Variants in POLK observed in about 807,000 individuals in gnomAD.
The protein encoded by POLK is polymerase (DNA directed) kappa.
POLK carries 76 observed loss-of-function variants against 94.0 expected under a neutral mutation model. That is an observed-to-expected ratio of 0.81 (90% CI 0.67 to 0.98). The LOEUF (loss-of-function observed/expected upper bound fraction) is 0.98, where lower values mean the gene tolerates loss of function less well. Among genes scored for constraint, POLK ranks in the 50% least tolerant of loss-of-function variants. The pLI, the probability that POLK is intolerant of heterozygous loss-of-function variation, is 0.00. For missense variants in POLK, 954 were observed against 1,010.1 expected, an observed-to-expected ratio of 0.94 and a Z score of 0.75; for synonymous variants, 349 against 325.4, an observed-to-expected ratio of 1.07 and a Z score of -0.78.
chr5:75,596,400 T>A, exon 13 of POLK: 2 of 1,613,876 alleles, frequency 1.2e-6, no homozygotes, highest in East Asian at 4.5e-5. Context: ...GTTTCTTTGA[T>A]AAAAAACGAT....
At chr5:75,582,971 A>G in intron 7 of POLK, 1 of 172,034 alleles carries the variant, frequency 5.8e-6, no homozygotes, top group Non-Finnish European at 1.2e-5. Context: ...AAAAATCTGT[A>G]TTCCTACTAA....
At chr5:75,597,061 G>T (rs1215906583) in exon 13 of POLK, 1 of 1,613,350 alleles carries the variant, frequency 6.2e-7, no homozygotes, top group African/African-American at 1.3e-5. Context: ...AAAGACTTCA[G>T]ATCTAACCCT....
At chr5:75,513,461 C>T (rs1768168776) in intron 1 of POLK, among the ~76,000 whole-genome samples, 1 of 152,074 alleles carries the variant, frequency 6.6e-6, no homozygotes. Flanking sequence ...CACTTCACAG[C>T]TGCTTGAGAA....
chr5:75,511,882 C>T lies in POLK; in HGVS notation c.-46C>T, dbSNP rs1768033167. The T allele has an allele frequency of 2.0e-6, 3 of 1,492,076 alleles. No individual in the cohort carries two copies. The highest frequency in any genetic ancestry group is 2.7e-6 in the Non-Finnish European group (3 of 1,102,770). The allele number at this position is 1,492,076 out of a possible 1,614,324, so 92.4% of individuals were successfully genotyped here. ...GTTGGTCCGTCGCTCGCGCAGCCTC[C>T]TGGGAGTTGTAGTCGCGATCCTGAG... On this transcript the variant is annotated 5_prime_UTR_variant, in exon 1 of 15. Coordinates refer to ENST00000241436, the Ensembl canonical transcript of POLK.
rs1365740788 is a variant in POLK at position 75,596,725 on chromosome 5, TCTTCA to T, written c.2036_2040del (p.Ser679LeufsTer2). ...TAACAAGAAAGAAAATGTTCCTGCT[TCTTCA>T]CTTTGTGAGAAGCAAGATTATGAAG... On this transcript the variant is annotated frameshift_variant, in exon 13 of 15. Transcript: ENST00000241436. LOFTEE classifies it high-confidence loss of function. The T allele has an allele frequency of 1.2e-6, 2 of 1,613,636 alleles. No individual in the cohort carries two copies. The highest frequency in any genetic ancestry group is 1.3e-5 in the African/African-American group (1 of 74,918).
At chr5:75,566,642 G>A (rs1771291473) in intron 3 of POLK, among the ~76,000 whole-genome samples, 1 of 152,166 alleles carries the variant, frequency 6.6e-6, no homozygotes, top group South Asian at 2.1e-4. Flanking sequence ...GACCCCTTGT[G>A]CTTCCCAGGT....
intron 3 of POLK, among the ~76,000 whole-genome samples, chr5:75,563,465 T>C (rs1771098136): frequency 6.6e-6 from 1 of 152,212 alleles, no homozygotes; most frequent in Non-Finnish European, 1.5e-5. Flanking sequence ...CTCTTGCTTT[T>C]CTAATTATTT....
intron 1 of POLK, among the ~76,000 whole-genome samples, chr5:75,514,725 C>T (rs1768241141): frequency 6.6e-6 from 1 of 152,074 alleles, no homozygotes; most frequent in Admixed American, 6.6e-5. Context: ...GTCACTCAGG[C>T]ATAATGGCAC....
intron 1 of POLK, among the ~76,000 whole-genome samples, chr5:75,527,105 T>G (rs1025940017): frequency 3.9e-5 from 6 of 152,324 alleles, no homozygotes; most frequent in African/African-American, 1.4e-4. Context: ...ATTTGGCTTT[T>G]TATATATAAG....
chr5:75,511,031 A>G (rs1478632376), upstream of POLK: 1 of 1,437,836 alleles, frequency 7.0e-7, no homozygotes, highest in Non-Finnish European at 9.1e-7. Context: ...GCCTCCCGCC[A>G]GCCCCACCCC....
intron 4 of POLK, among the ~76,000 whole-genome samples, chr5:75,571,500 C>T (rs1771597625): frequency 6.6e-6 from 1 of 152,152 alleles, no homozygotes; most frequent in Non-Finnish European, 1.5e-5. Context: ...CCTTGCTCTA[C>T]CTGGAGTTGG....
At chr5:75,549,369 T>C (rs981272477) in intron 2 of POLK, among the ~76,000 whole-genome samples, 2 of 152,110 alleles carry the variant, frequency 1.3e-5, no homozygotes, top group Admixed American at 6.6e-5. Flanking sequence ...CATTTGCCTG[T>C]TTGTATGTAA....
intron 3 of POLK, among the ~76,000 whole-genome samples, chr5:75,566,829 T>G (rs1371413773): frequency 6.6e-6 from 1 of 152,232 alleles, no homozygotes; most frequent in Non-Finnish European, 1.5e-5. Flanking sequence ...GCCGTTATTC[T>G]TAACGAGTGT....
At chr5:75,520,627 G>T (rs970825384) in intron 1 of POLK, among the ~76,000 whole-genome samples, 2 of 152,244 alleles carry the variant, frequency 1.3e-5, no homozygotes, top group East Asian at 3.9e-4. Flanking sequence ...TTAAACTCCT[G>T]GCCTCAGGCA....
intron 8 of POLK, 111 bp from the exon 9 acceptor site, chr5:75,584,649 C>A: frequency 1.6e-6 from 1 of 634,948 alleles, no homozygotes; most frequent in Middle Eastern, 4.4e-4. Flanking sequence ...CCAGCTTGGG[C>A]AACAAGAGCG....
exon 15 of POLK, chr5:75,599,419 T>G (rs1773240183): frequency 6.6e-6 from 1 of 152,200 alleles, no homozygotes; most frequent in Non-Finnish European, 1.5e-5. Context: ...TAGGAATAGC[T>G]TAATTAAGAA....
At chr5:75,590,315 G>A in intron 10 of POLK, 29 bp from the exon 11 acceptor site, 1 of 1,280,820 alleles carries the variant, frequency 7.8e-7, no homozygotes, top group Non-Finnish European at 1.1e-6. Flanking sequence ...AGTTTACTTT[G>A]TGCGCCAAAA....
At chr5:75,515,264 A>C (rs1339105639) in intron 1 of POLK, among the ~76,000 whole-genome samples, 1 of 152,224 alleles carries the variant, frequency 6.6e-6, no homozygotes, top group East Asian at 1.9e-4. Context: ...CATTTTATGA[A>C]TAGTCCTGAG....
chr5:75,569,584 A>G, intron 4 of POLK, 92 bp downstream of exon 4: 1 of 1,093,656 alleles, frequency 9.1e-7, no homozygotes, highest in African/African-American at 1.6e-5. Flanking sequence ...ATTGAGGTCT[A>G]CCAGTTTGCT....
Sources: gnomAD v4.1 joint callset for allele counts (sites outside exome capture counted in the v4.1 genomes callset) on GRCh38, gnomAD v4.1.1 for gene constraint, MANE v1.5 for transcripts, NCBI Gene and HGNC (gene_info 2026-07-23, HGNC 2026-07-21) for gene names.